The following CTDSPL2 variants were observed in gnomAD, a reference collection of about 807,000 sequenced individuals.
CTDSPL2 encodes CTD small phosphatase like 2.
CTDSPL2 carries 5 observed loss-of-function variants against 60.0 expected under a neutral mutation model. That is an observed-to-expected ratio of 0.08 (90% confidence interval 0.04 to 0.18). CTDSPL2 has a LOEUF of 0.18. CTDSPL2 is among the 10% of genes least tolerant of loss of function. The pLI, the probability that CTDSPL2 is intolerant of heterozygous loss-of-function variation, is 1.00. For synonymous variants in CTDSPL2, 186 were observed against 189.3 expected (o/e 0.98, Z 0.14); for missense variants, 370 against 548.8 (o/e 0.67, Z 3.26).
chr15:44,446,312 A>T (rs993282504), intron 1 of CTDSPL2, among the ~76,000 whole-genome samples: 3 of 152,148 alleles, frequency 2.0e-5, no homozygotes, highest in African/African-American at 7.2e-5. Flanking sequence ...CCAATGGACC[A>T]TTCAGACAAA....
chr15:44,457,964 T>G (rs955028206), intron 1 of CTDSPL2, among the ~76,000 whole-genome samples: 6 of 152,220 alleles, frequency 3.9e-5, no homozygotes, highest in Admixed American at 2.0e-4. Context: ...ATTGTTTTGT[T>G]GAGTTACTAA....
chr15:44,440,657 A>C (rs1003163743), intron 1 of CTDSPL2, among the ~76,000 whole-genome samples: 2 of 151,330 alleles, frequency 1.3e-5, no homozygotes, highest in African/African-American at 4.9e-5. Flanking sequence ...TCTGGTTTTT[A>C]AATTTTTTTT....
intron 1 of CTDSPL2, among the ~76,000 whole-genome samples, chr15:44,450,233 T>C (rs1388777389): frequency 6.6e-6 from 1 of 152,128 alleles, no homozygotes; most frequent in African/African-American, 2.4e-5. Flanking sequence ...TTTACTGTTT[T>C]TTTAACTTAA....
chr15:44,490,719 T>A (rs1404292827), intron 4 of CTDSPL2, 65 bp from the exon 5 acceptor site: 3 of 1,161,840 alleles, frequency 2.6e-6, no homozygotes, highest in Non-Finnish European at 3.9e-6. Flanking sequence ...ACGGTGATGC[T>A]GCATTTAGTT....
At chr15:44,513,497 GTCAGTTCTTAAGGAAATTC>G (rs1210592209) in intron 8 of CTDSPL2, among the ~76,000 whole-genome samples, 4 of 152,150 alleles carry the variant, frequency 2.6e-5, no homozygotes, top group African/African-American at 4.8e-5. Context: ...CCTATAAGTG[GTCAGTTCTTAAGGAAATTC>G]TCTATTTTGC....
intron 10 of CTDSPL2, among the ~76,000 whole-genome samples, chr15:44,515,785 A>C (rs138914468): frequency 0.038 from 5,796 of 152,118 alleles, 307 homozygotes; most frequent in East Asian, 0.13. Flanking sequence ...AGGCAGGAGA[A>C]TCGCTTGAAC....
intron 8 of CTDSPL2, among the ~76,000 whole-genome samples, chr15:44,507,003 G>A (rs368763959): frequency 6.6e-6 from 1 of 151,218 alleles, no homozygotes; most frequent in East Asian, 1.9e-4. Context: ...TCCTGACCTC[G>A]TGATCCGCCC....
At chr15:44,502,146 A>G in intron 8 of CTDSPL2, 1 of 216,414 alleles carries the variant, frequency 4.6e-6, no homozygotes, top group South Asian at 6.3e-5. Context: ...TTTTTTAAAA[A>G]ATTTATTGAG....
intron 8 of CTDSPL2, among the ~76,000 whole-genome samples, chr15:44,514,092 A>G (rs1490109592): frequency 6.6e-6 from 1 of 152,250 alleles, no homozygotes; most frequent in Non-Finnish European, 1.5e-5. Flanking sequence ...ATTTAAACCC[A>G]TCAATCCAGA....
At chr15:44,456,005 C>A (rs2080431489) in intron 1 of CTDSPL2, among the ~76,000 whole-genome samples, 1 of 151,316 alleles carries the variant, frequency 6.6e-6, no homozygotes, top group African/African-American at 2.4e-5. Context: ...CGCCCGCCAC[C>A]TCGCCCGGCT....
At chr15:44,516,061 A>G (rs2081649512) in intron 10 of CTDSPL2, among the ~76,000 whole-genome samples, 1 of 138,856 alleles carries the variant, frequency 7.2e-6, no homozygotes, top group South Asian at 2.2e-4. Context: ...CTGCCTTCTG[A>G]GTTTAAAAGA....
chr15:44,505,348 G>A (rs959210881), intron 8 of CTDSPL2, among the ~76,000 whole-genome samples: 5 of 151,996 alleles, frequency 3.3e-5, no homozygotes, highest in African/African-American at 1.2e-4. Flanking sequence ...CCGGAACCCC[G>A]AGAGCTTCAG....
At chr15:44,493,739 G>A (rs1215510193) in intron 5 of CTDSPL2, among the ~76,000 whole-genome samples, 2 of 152,184 alleles carry the variant, frequency 1.3e-5, no homozygotes, top group Non-Finnish European at 2.9e-5. Flanking sequence ...GGTCAAGGCT[G>A]CAGTGAGCTG....
rs901168771 is a variant in CTDSPL2 at position 44,470,053 on chromosome 15, A to C, written c.186+10853A>C. Among the ~76,000 whole-genome samples the C allele has an allele frequency of 7.6e-5, 11 of 144,928 alleles. No homozygotes were observed. In the East Asian group the frequency reaches 1.7e-3, roughly 23 times the overall value. On this transcript the variant is annotated intron_variant, in intron 2 of 12. Coordinates refer to ENST00000260327, the MANE Select transcript of CTDSPL2 (RefSeq NM_016396.3). ...GCGGAGCTTGCAGTGAGCCGAGATC[A>C]CGCCACTGCACTCCAGCCTGGGCGA...
At chr15:44,514,920 G>A (rs761174786) in intron 10 of CTDSPL2, 76 bp downstream of exon 10, 67 of 904,336 alleles carry the variant, frequency 7.4e-5, no homozygotes, top group Non-Finnish European at 1.1e-4. Flanking sequence ...TCATTTTAAT[G>A]GCCATTTTCA....
At chr15:44,460,586 C>A (rs2080546881) in intron 2 of CTDSPL2, among the ~76,000 whole-genome samples, 1 of 151,984 alleles carries the variant, frequency 6.6e-6, no homozygotes, top group African/African-American at 2.4e-5. Context: ...CTGACTTGTT[C>A]ATAGGGATAG....
intron 2 of CTDSPL2, among the ~76,000 whole-genome samples, chr15:44,471,587 T>G (rs979191365): frequency 6.6e-6 from 1 of 152,166 alleles, no homozygotes; most frequent in African/African-American, 2.4e-5. Flanking sequence ...CTTAGAAAAC[T>G]TTAAATATGT....
rs1433732616 is a variant in CTDSPL2 at position 44,526,496 on chromosome 15, G to A, written c.*2322G>A. 1.3e-5 allele frequency: 2 copies of A among 152,078 alleles called. No individual in the cohort carries two copies. The highest frequency in any genetic ancestry group is 1.5e-5 in the Non-Finnish European group (1 of 67,968). 9.4% of individuals were successfully genotyped at this position (152,078 alleles called of 1,614,324 possible). A position where few individuals can be genotyped will look rare whatever the true frequency, so the allele number is the denominator to read the frequency against. Reference sequence around the variant, plus strand: ...GAGTTCCTTTAAGTCAGCTGATCAAGCATAAGATACTTCCGTAAAGAAATA... The same window carrying A: ...GAGTTCCTTTAAGTCAGCTGATCAAACATAAGATACTTCCGTAAAGAAATA... On this transcript the variant is annotated 3_prime_UTR_variant, in exon 13 of 13. Transcript: ENST00000260327.
chr15:44,446,430 C>T (rs934799625), intron 1 of CTDSPL2, among the ~76,000 whole-genome samples: 3 of 151,892 alleles, frequency 2.0e-5, no homozygotes, highest in African/African-American at 7.3e-5. Context: ...GTGTTCGAAA[C>T]CGCCCTGGCC....
Sources: gnomAD v4.1 joint callset for allele counts (sites outside exome capture counted in the v4.1 genomes callset) on GRCh38, gnomAD v4.1.1 for gene constraint, MANE v1.5 for transcripts, NCBI Gene and HGNC (gene_info 2026-07-23, HGNC 2026-07-21) for gene names.